The following PIK3CB variants were observed in gnomAD, a reference collection of about 807,000 sequenced individuals.
PIK3CB encodes the protein phosphatidylinositol-4,5-bisphosphate 3-kinase catalytic subunit beta, also known as phosphatidylinositol 4,5-bisphosphate 3-kinase catalytic subunit beta isoform.
PIK3CB carries 39 observed loss-of-function variants against 136.8 expected under a neutral mutation model. That is an observed-to-expected ratio of 0.29 (90% CI 0.22 to 0.37). The LOEUF is 0.37. Among genes scored for constraint, PIK3CB ranks in the 10% least tolerant of loss-of-function variants. PIK3CB has a pLI of 1.00. For synonymous variants in PIK3CB, 428 were observed against 436.6 expected, an observed-to-expected ratio of 0.98 and a Z score of 0.25; for missense variants, 868 against 1,275.4, an observed-to-expected ratio of 0.68 and a Z score of 4.87.
intron 5 of PIK3CB, among the ~76,000 whole-genome samples, chr3:138,741,772 G>A (rs1369435347): frequency 4.6e-5 from 7 of 151,806 alleles, no homozygotes; most frequent in Non-Finnish European, 8.8e-5. Flanking sequence ...AGGTTGCAGG[G>A]AGCCAAGATT....
At chr3:138,779,784 C>A (rs531741998) in intron 2 of PIK3CB, among the ~76,000 whole-genome samples, 2 of 151,866 alleles carry the variant, frequency 1.3e-5, no homozygotes, top group Non-Finnish European at 2.9e-5. Flanking sequence ...CTGCTTCGGC[C>A]TCCCAAAGTG....
chr3:138,788,449 G>A (rs550613289), intron 2 of PIK3CB, among the ~76,000 whole-genome samples: 1 of 151,360 alleles, frequency 6.6e-6, no homozygotes, highest in East Asian at 2.0e-4. Context: ...CTGAGGTCAG[G>A]AGTTGAAGAC....
intron 10 of PIK3CB, among the ~76,000 whole-genome samples, chr3:138,708,114 C>T (rs1190255651): frequency 6.6e-6 from 1 of 152,110 alleles, no homozygotes; most frequent in African/African-American, 2.4e-5. Flanking sequence ...AAAATATCAG[C>T]TCTACTCTAA....
chr3:138,657,510 C>A, intron 22 of PIK3CB, 180 bp downstream of exon 22: 1 of 551,270 alleles, frequency 1.8e-6, no homozygotes, highest in South Asian at 2.5e-5. Context: ...TTCTGTTTCT[C>A]CTATCTGGGA....
chr3:138,698,453 C>T (rs2044182183), intron 13 of PIK3CB, among the ~76,000 whole-genome samples: 1 of 152,144 alleles, frequency 6.6e-6, no homozygotes, highest in African/African-American at 2.4e-5. Flanking sequence ...TTCAGCAATA[C>T]TGGACAACTG....
chr3:138,764,788 T>C (rs2045709635), intron 2 of PIK3CB, among the ~76,000 whole-genome samples: 1 of 152,166 alleles, frequency 6.6e-6, no homozygotes, highest in South Asian at 2.1e-4. Context: ...TTCAGCTCCA[T>C]ATTGCCTGAC....
At chr3:138,686,753 G>A (rs781391508) in intron 16 of PIK3CB, among the ~76,000 whole-genome samples, 8 of 152,080 alleles carry the variant, frequency 5.3e-5, no homozygotes, top group Non-Finnish European at 1.2e-4. Flanking sequence ...TCTATGCAAG[G>A]AAACCACTAA....
intron 1 of PIK3CB, among the ~76,000 whole-genome samples, chr3:138,831,972 G>A (rs1346459765): frequency 1.3e-5 from 2 of 152,110 alleles, no homozygotes; most frequent in Non-Finnish European, 2.9e-5. Flanking sequence ...CATCCCCATA[G>A]CCCCAGCTGT....
chr3:138,722,519 A>C (rs1391998032), intron 8 of PIK3CB, among the ~76,000 whole-genome samples: 1 of 152,136 alleles, frequency 6.6e-6, no homozygotes, highest in Non-Finnish European at 1.5e-5. Flanking sequence ...TGATAAAGAC[A>C]TTGAGAAATA....
intron 19 of PIK3CB, among the ~76,000 whole-genome samples, chr3:138,673,296 C>T (rs569835049): frequency 6.6e-6 from 1 of 152,056 alleles, no homozygotes; most frequent in East Asian, 1.9e-4. Context: ...GATGTGACTT[C>T]TTTGAAAAGG....
At chr3:138,797,428 A>T (rs1367442390) in intron 1 of PIK3CB, among the ~76,000 whole-genome samples, 2 of 152,178 alleles carry the variant, frequency 1.3e-5, no homozygotes, top group Non-Finnish European at 2.9e-5. Context: ...CACAGATTGC[A>T]CACCCATGAA....
intron 11 of PIK3CB, among the ~76,000 whole-genome samples, chr3:138,705,155 C>CAAAAAAAGAAAA (rs2044337611): frequency 3.3e-5 from 1 of 29,870 alleles, no homozygotes; most frequent in Non-Finnish European, 5.6e-5. Context: ...ATTAGAAAGG[C>CAAAAAAAGAAAA]AAAAAAAAAA....
At chr3:138,698,603 C>T (rs1337866468) in intron 13 of PIK3CB, among the ~76,000 whole-genome samples, 2 of 152,126 alleles carry the variant, frequency 1.3e-5, no homozygotes, top group Non-Finnish European at 2.9e-5. Flanking sequence ...CTGGAGTTCA[C>T]TGATGAAGCT....
At chr3:138,768,350 A>C (rs2045760285) in intron 2 of PIK3CB, among the ~76,000 whole-genome samples, 1 of 152,056 alleles carries the variant, frequency 6.6e-6, no homozygotes, top group Admixed American at 6.5e-5. Flanking sequence ...AACCAAGAGG[A>C]GGCCCTGGAA....
chr3:138,700,880 A>AT, intron 12 of PIK3CB, among the ~76,000 whole-genome samples: 1 of 152,346 alleles, frequency 6.6e-6, no homozygotes, highest in Non-Finnish European at 1.5e-5. Flanking sequence ...GAATGCAAAA[A>AT]GAAGTGGGTG....
At chr3:138,676,364 T>G (rs1047645143) in intron 19 of PIK3CB, among the ~76,000 whole-genome samples, 1 of 152,218 alleles carries the variant, frequency 6.6e-6, no homozygotes, top group African/African-American at 2.4e-5. Context: ...TGTACATTGC[T>G]GGTTGGAATG....
intron 2 of PIK3CB, among the ~76,000 whole-genome samples, chr3:138,781,278 T>A (rs568038816): frequency 6.7e-6 from 1 of 148,944 alleles, no homozygotes; most frequent in Non-Finnish European, 1.5e-5. Flanking sequence ...GGTGACAGAC[T>A]GAGATCTTAT....
At chr3:138,760,381 T>C (rs921730888) in intron 2 of PIK3CB, among the ~76,000 whole-genome samples, 3 of 152,208 alleles carry the variant, frequency 2.0e-5, no homozygotes, top group Non-Finnish European at 4.4e-5. Context: ...CACAGTGCCT[T>C]CTGCCTTCCT....
intron 2 of PIK3CB, among the ~76,000 whole-genome samples, chr3:138,794,889 C>T (rs1390609326): frequency 6.6e-6 from 1 of 152,150 alleles, no homozygotes; most frequent in Non-Finnish European, 1.5e-5. Flanking sequence ...TTTAAATCAC[C>T]TCTTGCTGGG....
Sources: gnomAD v4.1 joint callset for allele counts (sites outside exome capture counted in the v4.1 genomes callset) on GRCh38, gnomAD v4.1.1 for gene constraint, MANE v1.5 for transcripts, NCBI Gene and HGNC (gene_info 2026-07-23, HGNC 2026-07-21) for gene names.